The following FANCB variants were observed in gnomAD, a reference collection of about 807,000 sequenced individuals.
FANCB encodes Fanconi anemia group B protein.
In FANCB, 5 loss-of-function variants were observed where a neutral mutation model predicts 38.9. The observed-to-expected ratio is 0.13, with a 90% CI of 0.07 to 0.27. The LOEUF is 0.27. Among genes scored for constraint, FANCB ranks in the 10% least tolerant of loss-of-function variants. The pLI, the probability that FANCB is intolerant of heterozygous loss-of-function variation, is 1.00. For missense variants in FANCB, 573 were observed against 602.7 expected (o/e 0.95, Z 0.52); for synonymous variants, 236 against 215.4 (o/e 1.10, Z -0.84).
At chrX:14,695,919 T>C in the FANCB span, among the ~76,000 whole-genome samples, 2 of 110,971 alleles carry the variant, frequency 1.8e-5, no homozygotes, top group African/African-American at 3.3e-5. Flanking sequence ...GCAGAGGCAG[T>C]GGGAGTGCCC....
the FANCB span, among the ~76,000 whole-genome samples, chrX:14,722,784 G>C: frequency 1.8e-5 from 2 of 111,415 alleles, no homozygotes; most frequent in Non-Finnish European, 3.8e-5. Context: ...GAGTGTAGGG[G>C]ATCCCACCAG....
chrX:14,771,318 G>A, the FANCB span, among the ~76,000 whole-genome samples: 1 of 111,293 alleles, frequency 9.0e-6, no homozygotes, highest in Admixed American at 9.5e-5. Context: ...TTTCTAGGAG[G>A]TTTTGTTCAT....
chrX:14,835,261 A>C, downstream of FANCB: 1 of 508,689 alleles, frequency 2.0e-6, no homozygotes, highest in Non-Finnish European at 3.6e-6. Flanking sequence ...TTTAGTTCAC[A>C]ACCGAAAAGT....
At chrX:14,702,779 G>A in the FANCB span, among the ~76,000 whole-genome samples, 5 of 111,744 alleles carry the variant, frequency 4.5e-5, no homozygotes, top group Non-Finnish European at 5.6e-5. Context: ...ATATGACCAC[G>A]CAGGCAGTAA....
chrX:14,780,631 T>A, the FANCB span, among the ~76,000 whole-genome samples: 1 of 110,651 alleles, frequency 9.0e-6, no homozygotes, highest in Non-Finnish European at 1.9e-5. Context: ...ATAGTAATTA[T>A]TTTAGGCTTT....
chrX:14,758,025 G>A, the FANCB span, among the ~76,000 whole-genome samples: 1 of 111,748 alleles, frequency 8.9e-6, no homozygotes, highest in Non-Finnish European at 1.9e-5. Flanking sequence ...GAGGCACGGT[G>A]GAATTGAGAC....
In FANCB at chrX:14,871,823, A is replaced by ATT. The variant is rs774037981; in HGVS notation, c.-192+1161_-192+1162dup. ...TTCTCAAGAAATAGTGCCATGTACT[A>ATT]TTTTTTTTTTTTTTCCTGAAGAAAC... On this transcript the variant is annotated intron_variant, in intron 1 of 9. Coordinates refer to ENST00000650831, the MANE Select transcript of FANCB (RefSeq NM_001018113.3). 8.7e-3 allele frequency among the ~76,000 whole-genome samples: 878 copies of ATT among 100,562 alleles called. 6 individuals carry two copies. The highest frequency in any genetic ancestry group is 0.015 in the Middle Eastern group (3 of 197). The allele number at this position is 100,562 out of a possible 115,157, so 87.3% of individuals were successfully genotyped here. A position where few individuals can be genotyped will look rare whatever the true frequency, so the allele number is the denominator to read the frequency against.
chrX:14,856,792 G>A (rs1017903108), intron 5 of FANCB, among the ~76,000 whole-genome samples: 3 of 111,526 alleles, frequency 2.7e-5, no homozygotes, highest in African/African-American at 6.5e-5. Context: ...AAAGGGGGAA[G>A]GGGGAATTAT....
the FANCB span, among the ~76,000 whole-genome samples, chrX:14,785,330 G>A: frequency 9.0e-6 from 1 of 111,668 alleles, no homozygotes; most frequent in African/African-American, 3.3e-5. Flanking sequence ...AATTAACACT[G>A]GGTTTTCTAG....
At chrX:14,791,453 G>A in the FANCB span, among the ~76,000 whole-genome samples, 1 of 111,960 alleles carries the variant, frequency 8.9e-6, no homozygotes, top group Non-Finnish European at 1.9e-5. Context: ...GATCTTGGAT[G>A]TCCAGCTTCC....
the FANCB span, among the ~76,000 whole-genome samples, chrX:14,770,403 CTTT>C: frequency 0.035 from 3,962 of 111,694 alleles, 141 homozygotes; most frequent in African/African-American, 0.11. Context: ...CCTTCTTTGT[CTTT>C]TTTGATCTTT....
the FANCB span, among the ~76,000 whole-genome samples, chrX:14,815,225 C>T: frequency 9.1e-6 from 1 of 110,143 alleles, no homozygotes; most frequent in Non-Finnish European, 1.9e-5. Context: ...ATGTAAATGA[C>T]GAGTTACTGG....
chrX:14,761,528 T>G, the FANCB span, among the ~76,000 whole-genome samples: 2 of 110,178 alleles, frequency 1.8e-5, no homozygotes, highest in Non-Finnish European at 3.8e-5. Context: ...GATTGAAAGA[T>G]TACAAAGGAC....
the FANCB span, among the ~76,000 whole-genome samples, chrX:14,787,004 T>C: frequency 0.014 from 1,559 of 111,256 alleles, 26 homozygotes; most frequent in African/African-American, 0.041. Flanking sequence ...ACCATGACTC[T>C]GAGAAAAGTT....
downstream of FANCB, among the ~76,000 whole-genome samples, chrX:14,832,885 A>C (rs1232145812): frequency 8.9e-6 from 1 of 112,205 alleles, no homozygotes; most frequent in East Asian, 2.8e-4. Flanking sequence ...TGGTTACAAC[A>C]ACCATTATAT....
At chrX:14,859,861 C>T (rs1198268985) in intron 3 of FANCB, among the ~76,000 whole-genome samples, 2 of 111,321 alleles carry the variant, frequency 1.8e-5, no homozygotes. Context: ...CTAGTAGACA[C>T]CTTAAGAGCT....
In FANCB at chrX:14,860,388, T is replaced by C. The variant is rs779046632; in HGVS notation, c.952-1054A>G. Among the ~76,000 whole-genome samples, 197 of 111,947 alleles carry C rather than the reference T, an allele frequency of 1.8e-3. 1 individual carries two copies. Among genetic ancestry groups the C allele is most frequent in the African/African-American group, 5.9e-3 (182 of 30,743 alleles). ...ATATCCTCCCTTTCTCCCACCAGTA[T>C]CATGGAGTATAATGGACTATGGGAA... On this transcript the variant is annotated intron_variant, in intron 3 of 9. Transcript: ENST00000650831.
chrX:14,812,621 G>T, the FANCB span, among the ~76,000 whole-genome samples: 11 of 109,326 alleles, frequency 1.0e-4, no homozygotes, highest in African/African-American at 3.3e-4. Flanking sequence ...CCAGGAAGAA[G>T]TTGAGTCTCT....
the FANCB span, among the ~76,000 whole-genome samples, chrX:14,766,878 T>C: frequency 2.7e-5 from 3 of 110,677 alleles, no homozygotes; most frequent in Non-Finnish European, 3.8e-5. Context: ...TGTGTGTTGT[T>C]CCCCATCCTC....
Sources: allele counts gnomAD v4.1 joint callset (sites outside exome capture counted in the v4.1 genomes callset), GRCh38; gene constraint gnomAD v4.1.1; transcripts MANE v1.5; gene names NCBI Gene and HGNC (gene_info 2026-07-23, HGNC 2026-07-21).